KDM4A: variants seen among roughly 807,000 people sequenced by gnomAD.
KDM4A encodes lysine-specific demethylase 4A.
A neutral mutation model predicts 127.1 loss-of-function variants in KDM4A; 23 were observed. The ratio of observed to expected loss-of-function variants is 0.18; its 90% CI spans 0.13 to 0.26. KDM4A has a LOEUF of 0.26. KDM4A is among the 10% of genes least tolerant of loss of function. The pLI, the probability that KDM4A is intolerant of heterozygous loss-of-function variation, is 1.00. For missense variants in KDM4A, 890 were observed against 1,329.1 expected (o/e 0.67, Z 5.14); for synonymous variants, 443 against 466.5 (o/e 0.95, Z 0.65).
intron 3 of KDM4A, 70 bp downstream of exon 3, chr1:43,655,836 A>C: frequency 3.1e-6 from 4 of 1,308,650 alleles, no homozygotes; most frequent in Non-Finnish European, 4.2e-6. Context: ...TAGCATCTCC[A>C]GGACTGCTGC....
intron 2 of KDM4A, among the ~76,000 whole-genome samples, chr1:43,654,805 G>A (rs905334574): frequency 4.0e-5 from 6 of 149,368 alleles, no homozygotes; most frequent in Non-Finnish European, 7.4e-5. Flanking sequence ...AAGCTGTATA[G>A]TATTCCATAA....
chr1:43,703,458 T>C (rs1179567889), intron 19 of KDM4A, 159 bp from the exon 20 acceptor site: 2 of 805,682 alleles, frequency 2.5e-6, no homozygotes, highest in Non-Finnish European at 1.9e-6. Context: ...GACTTTGACT[T>C]AGCAAGGTCT....
chr1:43,668,571 T>C (rs1259614556), intron 9 of KDM4A, among the ~76,000 whole-genome samples: 1 of 152,142 alleles, frequency 6.6e-6, no homozygotes, highest in East Asian at 1.9e-4. Context: ...AGGCGTCAGT[T>C]ATATGAGGGT....
In KDM4A at chr1:43,705,184, T is replaced by A. The variant is rs1661522229; in HGVS notation, c.*814T>A. 1 of 150,652 alleles carries A rather than the reference T, an allele frequency of 6.6e-6. No individual in the cohort carries two copies. The highest frequency in any genetic ancestry group is 6.6e-5 in the Admixed American group (1 of 15,052). The allele number at this position is 150,652 out of a possible 1,614,324, so 9.3% of individuals were successfully genotyped here. A position where few individuals can be genotyped will look rare whatever the true frequency, so the allele number is the denominator to read the frequency against. On this transcript the variant is annotated 3_prime_UTR_variant, in exon 22 of 22. Coordinates refer to ENST00000372396, the MANE Select transcript of KDM4A (RefSeq NM_014663.3). ...AAGCAGGCAGAGCCTGGTGGGTGAT[T>A]CTGTCAACAGAAAATTGCAATCATG... is the stretch of plus-strand genomic sequence containing the variant.
rs1309366858 is a variant in KDM4A at position 43,688,502 on chromosome 1, A to G, written c.1856-412A>G. 1.3e-5 allele frequency among the ~76,000 whole-genome samples: 2 copies of G among 152,242 alleles called. No homozygotes were observed. The highest frequency in any genetic ancestry group is 4.8e-5 in the African/African-American group (2 of 41,470). ...TCCTTGTTTAGTTGCACTAAAGGGA[A>G]AACTCTAAAAGGTAAAGGACTTAAC... On this transcript the variant is annotated intron_variant, in intron 12 of 21. Coordinates refer to ENST00000372396, the MANE Select transcript of KDM4A (RefSeq NM_014663.3). The surrounding 1 kb of genome is among the most constrained non-coding windows in gnomAD (Gnocchi z 4.4).
intron 5 of KDM4A, among the ~76,000 whole-genome samples, chr1:43,664,254 G>A (rs1660450723): frequency 6.6e-6 from 1 of 152,180 alleles, no homozygotes. Context: ...AACCACAGAC[G>A]CAGAGCTCCT....
chr1:43,670,426 G>A (rs560042197), intron 10 of KDM4A, among the ~76,000 whole-genome samples: 10 of 152,034 alleles, frequency 6.6e-5, no homozygotes, highest in Admixed American at 2.6e-4. Context: ...TTTTAGAAAC[G>A]GGGTCTTACT....
chr1:43,683,767 T>C lies in KDM4A; in HGVS notation c.1818T>C (p.His606=). The C allele has an allele frequency of 1.2e-6, 2 of 1,614,168 alleles. No homozygotes were observed. The highest frequency in any genetic ancestry group is 2.7e-5 in the African/African-American group (2 of 75,046). ...RRQPLSKLPR[H]HPLVLQECVS... ...AGCCTTTAAGCAAGCTCCCCCGCCA[T>C]CACCCACTTGTGCTGCAGGAGTGTG... Residue 606 remains histidine, a synonymous_variant, in exon 12 of 22, where the codon CAT becomes CAC. Coordinates refer to ENST00000372396, the MANE Select transcript of KDM4A (RefSeq NM_014663.3).
chr1:43,695,547 C>T (rs1191621891), intron 18 of KDM4A, among the ~76,000 whole-genome samples: 3 of 152,184 alleles, frequency 2.0e-5, no homozygotes, highest in African/African-American at 7.2e-5. Context: ...AGGCGGACAA[C>T]GGCAGAGGAT....
intron 9 of KDM4A, among the ~76,000 whole-genome samples, chr1:43,668,722 A>G (rs146700050): frequency 1.3e-5 from 2 of 152,338 alleles, no homozygotes; most frequent in South Asian, 2.1e-4. Flanking sequence ...TTAAGTCTGC[A>G]GTGCTATTGG....
chr1:43,690,445 A>T, intron 13 of KDM4A: 1 of 284,590 alleles, frequency 3.5e-6, no homozygotes, highest in Non-Finnish European at 6.8e-6. Context: ...ACGGGGTTTC[A>T]CCATGTTGGC....
intron 12 of KDM4A, among the ~76,000 whole-genome samples, chr1:43,686,366 T>C (rs1193486486): frequency 7.5e-6 from 1 of 133,036 alleles, no homozygotes; most frequent in Non-Finnish European, 1.6e-5. Context: ...GGAGTCTTAC[T>C]CACTCTGTTG....
At chr1:43,701,859 C>T (rs554676261) in intron 19 of KDM4A, among the ~76,000 whole-genome samples, 1 of 152,226 alleles carries the variant, frequency 6.6e-6, no homozygotes, top group Non-Finnish European at 1.5e-5. Flanking sequence ...TCAAACAACA[C>T]AGATAGATTT....
chr1:43,678,177 G>A (rs1251618699), intron 11 of KDM4A, among the ~76,000 whole-genome samples: 2 of 152,110 alleles, frequency 1.3e-5, no homozygotes, highest in African/African-American at 2.4e-5. Context: ...GTTTGGGTAC[G>A]TCTAGAGGGG....
At chr1:43,650,811 T>C (rs6669830) in intron 1 of KDM4A, 6,540 of 152,340 alleles carry the variant, frequency 0.043, 458 homozygotes, top group African/African-American at 0.15. Context: ...ACAGCCAAGG[T>C]CACATAGCTA....
chr1:43,691,994 G>A (rs1570867736), intron 15 of KDM4A, among the ~76,000 whole-genome samples: 1 of 152,212 alleles, frequency 6.6e-6, no homozygotes, highest in Non-Finnish European at 1.5e-5. Context: ...AGTATCTTTT[G>A]TGACTTTGCT....
chr1:43,659,907 T>A (rs1660332446), intron 3 of KDM4A, among the ~76,000 whole-genome samples: 1 of 152,172 alleles, frequency 6.6e-6, no homozygotes, highest in Non-Finnish European at 1.5e-5. Flanking sequence ...AAGCCTTAGC[T>A]CTTCACATGC....
At chr1:43,654,583 G>T (rs1052567355) in intron 2 of KDM4A, among the ~76,000 whole-genome samples, 1 of 151,214 alleles carries the variant, frequency 6.6e-6, no homozygotes, top group Non-Finnish European at 1.5e-5. Context: ...ATTGGAATGG[G>T]TAATTTGATT....
intron 19 of KDM4A, among the ~76,000 whole-genome samples, chr1:43,699,091 ATTTTTTT>A (rs61194980): frequency 2.9e-4 from 37 of 126,428 alleles, no homozygotes; most frequent in African/African-American, 8.4e-4. Flanking sequence ...GCCTGGCCTT[ATTTTTTT>A]TTTTTTTTTT....
Sources: allele counts gnomAD v4.1 joint callset (sites outside exome capture counted in the v4.1 genomes callset), GRCh38; gene constraint gnomAD v4.1.1; non-coding constraint Gnocchi (gnomAD v3.1); transcripts MANE v1.5; gene names NCBI Gene and HGNC (gene_info 2026-07-23, HGNC 2026-07-21).